The following LYST variants were observed in gnomAD, a reference collection of about 807,000 sequenced individuals.
The protein encoded by LYST is lysosomal trafficking regulator.
Under a neutral mutation model 413.6 loss-of-function variants are expected in LYST, and 192 were observed. The ratio of observed to expected loss-of-function variants is 0.46; its 90% CI spans 0.41 to 0.52. LYST has a LOEUF of 0.52. Among genes scored for constraint, LYST ranks in the 20% least tolerant of loss-of-function variants. LYST has a pLI of 0.00. For missense variants in LYST, 3,815 were observed against 4,499.9 expected (o/e 0.85, Z 4.35); for synonymous variants, 1,525 against 1,567.3 (o/e 0.97, Z 0.64).
chr1:235,816,159 A>AAAG (rs1558293409), intron 3 of LYST, among the ~76,000 whole-genome samples: 1 of 111,708 alleles, frequency 9.0e-6, no homozygotes, highest in African/African-American at 3.5e-5. Flanking sequence ...AAAAAAAAAA[A>AAAG]GGCTGGGCAT....
rs768487753 is a variant in LYST at position 235,716,724 on chromosome 1, C to T, written c.9615G>A (p.Val3205=). ...AAACAAAAGCTACCTTGTATGTGTC[C>T]ACATAACGATCTTCTTTTTCTTTAT... is the stretch of plus-strand genomic sequence containing the variant. ...VQYKEKEDRY[V]DTYKYLEEEY... The change falls in exon 41 of 53, where the codon GTG becomes GTA. Residue 3205 remains valine (V), a synonymous_variant. Transcript: ENST00000389793. The T allele has an allele frequency of 6.3e-7, 1 of 1,591,864 alleles. No individual in the cohort carries two copies. Among genetic ancestry groups the T allele is most frequent in the South Asian group, 1.1e-5 (1 of 90,126 alleles).
chr1:235,725,221 G>C (rs1663753570), intron 38 of LYST, among the ~76,000 whole-genome samples: 1 of 152,132 alleles, frequency 6.6e-6, no homozygotes, highest in African/African-American at 2.4e-5. Context: ...ATCACTTGAG[G>C]TCAGGAGTTC....
rs1302372586 is a variant in LYST, at chr1:235,697,351, A to G, written c.10375-79T>C. The G allele has an allele frequency of 8.2e-6, 8 of 978,750 alleles. No homozygotes were observed. In the African/African-American group the frequency reaches 9.9e-5, roughly 12 times the overall value. The allele number at this position is 978,750 out of a possible 1,614,324, so 60.6% of individuals were successfully genotyped here. ...ATTACTTCTAATTTAAGCTCTAAAC[A>G]AAGTAAGAGAAAGTAATATGGATTA... On this transcript the variant is annotated intron_variant, in intron 45 of 52. Transcript: ENST00000389793.
intron 47 of LYST, among the ~76,000 whole-genome samples, chr1:235,688,882 C>T (rs972782000): frequency 1.3e-5 from 2 of 151,558 alleles, no homozygotes; most frequent in Non-Finnish European, 1.5e-5. Flanking sequence ...GTACTAGGGA[C>T]GGTGAGGCAG....
intron 34 of LYST, 47 bp from the exon 35 acceptor site, chr1:235,731,224 T>C (rs757883513): frequency 6.4e-7 from 1 of 1,563,292 alleles, no homozygotes; most frequent in South Asian, 1.1e-5. Context: ...CATCCAGGAC[T>C]TGTAGCTATA....
chr1:235,766,336 T>G, intron 20 of LYST, 59 bp from the exon 21 acceptor site: 1 of 1,307,928 alleles, frequency 7.6e-7, no homozygotes, highest in Non-Finnish European at 1.1e-6. Flanking sequence ...AACTAAGATT[T>G]TTCATTTAGG....
At chr1:235,738,032 T>G (rs1664972515) in intron 31 of LYST, 1 of 1,550,190 alleles carries the variant, frequency 6.5e-7, no homozygotes, top group African/African-American at 1.4e-5. Context: ...TTATTCACAG[T>G]CTTCTAAAGG....
chr1:235,662,498 G>C lies in LYST; in HGVS notation c.*442C>G, dbSNP rs983833694. The C allele has an allele frequency of 2.9e-5, 6 of 204,696 alleles. No individual in the cohort carries two copies. In the South Asian group the frequency reaches 3.1e-4, roughly 11 times the overall value. 12.7% of individuals were successfully genotyped at this position (204,696 alleles called of 1,614,324 possible). On this transcript the variant is annotated 3_prime_UTR_variant, in exon 53 of 53. Transcript: ENST00000389793. The stretch of plus-strand genomic sequence containing the variant: ...TTTTCTTTCCTCTTTTGGAGCATGT[G>C]TGTGTGGTGGGAGGAGTATTTCATG...
At position 235,665,635 on chromosome 1, in the gene LYST, A is replaced by T. The variant is rs1004203273; in HGVS notation, c.11039-1014T>A. On this transcript the variant is annotated intron_variant, in intron 50 of 52. Coordinates refer to ENST00000389793, the MANE Select transcript of LYST (RefSeq NM_000081.4). ...CTCAAAAAAAAAAAAAAAAAAAGTGACTTATGTGACTTTTGAAGAAAAAAA... is the reference window on the plus strand; with the variant it reads ...CTCAAAAAAAAAAAAAAAAAAAGTGTCTTATGTGACTTTTGAAGAAAAAAA... Among the ~76,000 whole-genome samples, 52 of 140,746 alleles carry T rather than the reference A, an allele frequency of 3.7e-4. 2 individuals carry two copies. Among genetic ancestry groups the T allele is most frequent in the Admixed American group, 1.8e-3 (25 of 14,168 alleles). The allele number at this position is 140,746 out of a possible 152,430, so 92.3% of individuals were successfully genotyped here. A position where few individuals can be genotyped will look rare whatever the true frequency, so the allele number is the denominator to read the frequency against.
rs1271284348 is a variant in LYST at position 235,746,468 on chromosome 1, C to T, written c.7840G>A (p.Ala2614Thr). 7.4e-6 allele frequency: 12 copies of T among 1,613,668 alleles called. No individual in the cohort carries two copies. The highest frequency in any genetic ancestry group is 1.7e-5 in the Admixed American group (1 of 59,940). The change falls in exon 29 of 53, where the codon GCA becomes ACA. Residue 2614 changes from alanine to threonine, a missense_variant. Transcript: ENST00000389793. ...ESLLMKMRSV[A>T]NDELHVMMQR... is the part of the protein sequence containing the mutation. ...ATCATCACATGAAGCTCATCATTTG[C>T]CACTGAACGCATTTTCATCAGAAGC...
At chr1:235,740,036 A>G (rs1469933142) in intron 31 of LYST, among the ~76,000 whole-genome samples, 2 of 152,214 alleles carry the variant, frequency 1.3e-5, no homozygotes, top group Non-Finnish European at 2.9e-5. Context: ...GTATAAAGGA[A>G]AGAAAAAAAC....
chr1:235,875,164 C>T (rs540396684), intron 1 of LYST, among the ~76,000 whole-genome samples: 3 of 152,082 alleles, frequency 2.0e-5, no homozygotes, highest in African/African-American at 7.2e-5. Flanking sequence ...AGATCTTTTC[C>T]AAAGTGAAAG....
At chr1:235,698,351 G>A (rs541874134) in intron 45 of LYST, among the ~76,000 whole-genome samples, 9 of 152,046 alleles carry the variant, frequency 5.9e-5, no homozygotes, top group African/African-American at 2.2e-4. Flanking sequence ...TAAAAAAATC[G>A]TGCCACTTTA....
At chr1:235,796,953 A>G (rs1420202413) in intron 10 of LYST, among the ~76,000 whole-genome samples, 8 of 152,216 alleles carry the variant, frequency 5.3e-5, no homozygotes, top group Non-Finnish European at 1.2e-4. Flanking sequence ...ACCAGGATAG[A>G]TATAATTAAA....
chr1:235,717,460 C>T (rs1662947504), intron 40 of LYST, among the ~76,000 whole-genome samples: 1 of 152,144 alleles, frequency 6.6e-6, no homozygotes, highest in South Asian at 2.1e-4. Context: ...ATTCTCATCC[C>T]TCCAGGAATG....
At chr1:235,869,425 T>C (rs181198974), upstream of LYST, among the ~76,000 whole-genome samples, 4 of 151,994 alleles carry the variant, frequency 2.6e-5, no homozygotes, top group East Asian at 7.7e-4. Flanking sequence ...TGAGCTGAGA[T>C]AGCGCCACTA....
intron 30 of LYST, 29 bp downstream of exon 30, chr1:235,743,950 A>G: frequency 8.6e-7 from 1 of 1,164,940 alleles, no homozygotes; most frequent in Non-Finnish European, 1.3e-6. Context: ...TGTGTGAATG[A>G]ACATTTCCCA....
chr1:235,667,910 C>T (rs191575440), intron 50 of LYST, among the ~76,000 whole-genome samples: 2 of 152,254 alleles, frequency 1.3e-5, no homozygotes, highest in East Asian at 3.9e-4. Flanking sequence ...GATCTACCCA[C>T]CTCGGCCTCC....
Position 235,686,182 on chromosome 1 carries a change from C to A in LYST, c.10800+767G>T, listed in dbSNP as rs1660206224. Among the ~76,000 whole-genome samples, 1 of 151,902 alleles carries A rather than the reference C, an allele frequency of 6.6e-6. No individual in the cohort carries two copies. Among genetic ancestry groups the A allele is most frequent in the African/African-American group, 2.4e-5 (1 of 41,344 alleles). ...AGGAGTTCGAGACCAGCCTGGCCAA[C>A]ATGGCAAAACCCCATCTCTACTAAA... is the stretch of plus-strand genomic sequence containing the variant. On this transcript the variant is annotated intron_variant, in intron 48 of 52. Coordinates refer to ENST00000389793, the MANE Select transcript of LYST (RefSeq NM_000081.4). The surrounding 1 kb of genome is among the most constrained non-coding windows in gnomAD (Gnocchi z 4.0).
Sources: gnomAD v4.1 joint callset for allele counts (sites outside exome capture counted in the v4.1 genomes callset) on GRCh38, gnomAD v4.1.1 for gene constraint, Gnocchi (gnomAD v3.1) non-coding constraint, MANE v1.5 for transcripts, NCBI Gene and HGNC (gene_info 2026-07-23, HGNC 2026-07-21) for gene names.